Variants in TMEFF2 observed in about 807,000 individuals in gnomAD.
TMEFF2 encodes tomoregulin-2.
Under a neutral mutation model 53.8 loss-of-function variants are expected in TMEFF2, and 28 were observed. The ratio of observed to expected loss-of-function variants is 0.52; its 90% CI spans 0.39 to 0.71. TMEFF2 has a LOEUF of 0.71. Ranked by LOEUF, TMEFF2 falls within the 30% of genes least tolerant of loss-of-function variation. The pLI, the probability that TMEFF2 is intolerant of heterozygous loss-of-function variation, is 0.00. For synonymous variants in TMEFF2, 162 were observed against 166.3 expected, an observed-to-expected ratio of 0.97 and a Z score of 0.20; for missense variants, 353 against 455.2, an observed-to-expected ratio of 0.78 and a Z score of 2.04.
chr2:192,113,776 T>TA (rs1351312616), intron 4 of TMEFF2, among the ~76,000 whole-genome samples: 1 of 152,154 alleles, frequency 6.6e-6, no homozygotes, highest in Non-Finnish European at 1.5e-5. Context: ...TAATAGTAGC[T>TA]AACAGTTGCT....
At chr2:192,075,254 GATTA>G (rs1372415219) in intron 4 of TMEFF2, among the ~76,000 whole-genome samples, 2 of 125,498 alleles carry the variant, frequency 1.6e-5, no homozygotes, top group Non-Finnish European at 3.3e-5. Context: ...CATCCACTGA[GATTA>G]ATTATTATAC....
intron 4 of TMEFF2, among the ~76,000 whole-genome samples, chr2:192,121,441 TAGA>T (rs2105966570): frequency 6.6e-6 from 1 of 151,542 alleles, no homozygotes. Context: ...GGAGACAAAG[TAGA>T]AGGAGGGGAA....
chr2:192,063,577 G>A (rs1289585487), intron 4 of TMEFF2, among the ~76,000 whole-genome samples: 2 of 151,744 alleles, frequency 1.3e-5, no homozygotes, highest in African/African-American at 4.8e-5. Flanking sequence ...TACATTGATG[G>A]TTAGTGTTGT....
chr2:191,958,271 C>T (rs1046814765), intron 7 of TMEFF2, among the ~76,000 whole-genome samples: 4 of 152,172 alleles, frequency 2.6e-5, no homozygotes. Context: ...ACCTTCTTCC[C>T]ATAACAAACT....
intron 7 of TMEFF2, among the ~76,000 whole-genome samples, chr2:191,963,205 A>G (rs1405332975): frequency 1.3e-5 from 2 of 152,160 alleles, no homozygotes; most frequent in African/African-American, 4.8e-5. Flanking sequence ...CTCAGGAGAC[A>G]AAGTTTGCTA....
intron 4 of TMEFF2, among the ~76,000 whole-genome samples, chr2:192,104,050 A>C (rs1689093534): frequency 1.3e-5 from 2 of 152,128 alleles, no homozygotes; most frequent in Non-Finnish European, 2.9e-5. Context: ...TATTGAAAAG[A>C]AAGCAAAGGA....
intron 7 of TMEFF2, among the ~76,000 whole-genome samples, chr2:191,989,278 T>G (rs371659749): frequency 1.3e-5 from 2 of 152,156 alleles, no homozygotes; most frequent in African/African-American, 2.4e-5. Context: ...AGAACACAGG[T>G]GGACTGAGTG....
chr2:192,124,953 T>C (rs1034406815), intron 4 of TMEFF2, among the ~76,000 whole-genome samples: 1 of 152,176 alleles, frequency 6.6e-6, no homozygotes, highest in Non-Finnish European at 1.5e-5. Flanking sequence ...GTCTATTGTA[T>C]ACCCAGAATT....
chr2:192,009,321 G>A (rs1367897113), intron 5 of TMEFF2, among the ~76,000 whole-genome samples: 1 of 152,036 alleles, frequency 6.6e-6, no homozygotes, highest in Non-Finnish European at 1.5e-5. Flanking sequence ...AATTTCACAA[G>A]TTTCAATAGA....
Position 192,194,483 on chromosome 2 carries a change from T to G in TMEFF2, c.42A>C (p.Thr14=). The change falls in exon 1 of 10, where the codon ACA becomes ACC. Residue 14 remains threonine (T), a synonymous_variant. Transcript: ENST00000272771. This position sits in a 1 kb window ranked among gnomAD's most constrained non-coding sequence, Gnocchi z 4.2. ...WESPRQCSSW[T]LCEGFCWLLL... Reference sequence around the variant, plus strand: ...GCAGCCAGCAAAAGCCCTCGCAAAGTGTCCAGCTGCTGCACTGCCGCGGGG... The same window carrying G: ...GCAGCCAGCAAAAGCCCTCGCAAAGGGTCCAGCTGCTGCACTGCCGCGGGG... 3.1e-6 allele frequency: 5 copies of G among 1,613,958 alleles called. No homozygotes were observed. Among genetic ancestry groups the G allele is most frequent in the Non-Finnish European group, 4.2e-6 (5 of 1,180,004 alleles).
At chr2:192,169,925 A>G (rs1035116451) in intron 4 of TMEFF2, among the ~76,000 whole-genome samples, 5 of 152,060 alleles carry the variant, frequency 3.3e-5, no homozygotes, top group Non-Finnish European at 7.4e-5. Context: ...CAGTGTGGGC[A>G]TGAGCTTCCA....
At chr2:192,007,805 G>A (rs1275655664) in intron 5 of TMEFF2, among the ~76,000 whole-genome samples, 2 of 152,136 alleles carry the variant, frequency 1.3e-5, no homozygotes, top group African/African-American at 2.4e-5. Context: ...TAGAGACAAG[G>A]AAGGAAAGCC....
rs1303953173 is a variant in TMEFF2 at position 192,167,041 on chromosome 2, T to C, written c.439+12627A>G. On this transcript the variant is annotated intron_variant, in intron 4 of 9. Transcript: ENST00000272771. The stretch of plus-strand genomic sequence containing the variant: ...TCAAAATATGTTGCTTTTATCAACC[T>C]CACTTAAATGGATACTCTTTTCAGA... Among the ~76,000 whole-genome samples the C allele has an allele frequency of 7.2e-5, 11 of 152,134 alleles. No individual in the cohort carries two copies. In the South Asian group the frequency reaches 1.4e-3, roughly 20 times the overall value.
intron 4 of TMEFF2, among the ~76,000 whole-genome samples, chr2:192,140,591 C>T (rs1415948716): frequency 6.6e-6 from 1 of 151,886 alleles, no homozygotes; most frequent in Non-Finnish European, 1.5e-5. Flanking sequence ...ATAAAAAAAA[C>T]ACAACGTGGG....
intron 7 of TMEFF2, among the ~76,000 whole-genome samples, chr2:191,971,749 G>A (rs1692645493): frequency 6.6e-6 from 1 of 152,130 alleles, no homozygotes; most frequent in Admixed American, 6.5e-5. Flanking sequence ...ACAGTGGTGA[G>A]TTAAATAGAC....
chr2:192,085,037 G>A (rs1319227450), intron 4 of TMEFF2, among the ~76,000 whole-genome samples: 2 of 152,134 alleles, frequency 1.3e-5, no homozygotes, highest in Admixed American at 1.3e-4. Context: ...CAAAGGTTTA[G>A]CTTCTTTTCT....
intron 5 of TMEFF2, among the ~76,000 whole-genome samples, chr2:192,042,062 G>A (rs1019488216): frequency 4.6e-5 from 7 of 152,004 alleles, no homozygotes; most frequent in African/African-American, 1.5e-4. Context: ...TTAACTGGGC[G>A]TAGTGGCAGG....
chr2:192,059,627 T>C (rs762316701), intron 4 of TMEFF2, among the ~76,000 whole-genome samples: 103 of 152,330 alleles, frequency 6.8e-4, no homozygotes, highest in Non-Finnish European at 1.2e-3. Flanking sequence ...CAGCCCCATT[T>C]TCTTCAGCAG....
At chr2:191,953,624 A>G in intron 9 of TMEFF2, 55 bp downstream of exon 9, 1 of 1,571,616 alleles carries the variant, frequency 6.4e-7, no homozygotes, top group South Asian at 1.2e-5. Flanking sequence ...CTGATTAAAT[A>G]AAAGAGTAAC....
Sources: allele counts gnomAD v4.1 joint callset (sites outside exome capture counted in the v4.1 genomes callset), GRCh38; gene constraint gnomAD v4.1.1; non-coding constraint Gnocchi (gnomAD v3.1); transcripts MANE v1.5; gene names NCBI Gene and HGNC (gene_info 2026-07-23, HGNC 2026-07-21).